ATM: variants seen among roughly 807,000 people sequenced by gnomAD.
ATM encodes ATM serine/threonine kinase.
A neutral mutation model predicts 387.0 loss-of-function variants in ATM; 308 were observed. That is an observed-to-expected ratio of 0.80 (90% CI 0.73 to 0.87). The LOEUF is 0.87. Among genes scored for constraint, ATM ranks in the 40% least tolerant of loss-of-function variants. The pLI is 0.00. For synonymous variants in ATM, 1,156 were observed against 1,187.3 expected (o/e 0.97, Z 0.54); for missense variants, 3,312 against 3,560.9 (o/e 0.93, Z 1.78).
intron 57 of ATM, among the ~76,000 whole-genome samples, chr11:108,345,001 T>C (rs2088129526): frequency 6.6e-6 from 1 of 151,808 alleles, no homozygotes; most frequent in Non-Finnish European, 1.5e-5. Context: ...CCTGTCACCC[T>C]GTCTCCAAAA....
At chr11:108,232,551 TTTTTTTG>T in intron 4 of ATM, among the ~76,000 whole-genome samples, 1 of 142,056 alleles carries the variant, frequency 7.0e-6, no homozygotes, top group African/African-American at 2.6e-5. Context: ...TTTTTTTTTT[TTTTTTTG>T]AGACAGAGTC....
At chr11:108,308,719 A>C (rs1159229763) in intron 38 of ATM, 4 of 330,918 alleles carry the variant, frequency 1.2e-5, no homozygotes, top group African/African-American at 8.3e-5. Context: ...TGAGTGAAAA[A>C]TGAAATGTTT....
chr11:108,270,757 G>A (rs1353929975), intron 18 of ATM, among the ~76,000 whole-genome samples: 5 of 151,984 alleles, frequency 3.3e-5, no homozygotes, highest in African/African-American at 4.8e-5. Flanking sequence ...GTGCAGTGGC[G>A]CGATCTCGGC....
At chr11:108,249,931 G>A (rs1384561555) in intron 9 of ATM, among the ~76,000 whole-genome samples, 1 of 152,028 alleles carries the variant, frequency 6.6e-6, no homozygotes, top group Non-Finnish European at 1.5e-5. Flanking sequence ...TATGGGCTAA[G>A]CGTTAGATAT....
chr11:108,300,878 C>CTTT (rs11305754), intron 34 of ATM, among the ~76,000 whole-genome samples: 42 of 102,642 alleles, frequency 4.1e-4, no homozygotes, highest in African/African-American at 6.4e-4. Flanking sequence ...TCATCTCTCT[C>CTTT]TTTTTTTTTT....
rs534431477 is a variant in ATM at position 108,331,657 on chromosome 11, T to TA, written c.7629+101dup. Reference sequence around the variant, plus strand: ...TACCATTCCCTCTAAGAAATGGAAATACAAAATTTTGTATTTTTTGTCTTC... The same window carrying TA: ...TACCATTCCCTCTAAGAAATGGAAATAACAAAATTTTGTATTTTTTGTCTTC... On this transcript the variant is annotated intron_variant, in intron 51 of 62. Transcript: ENST00000675843. 193 of 1,413,960 alleles carry TA rather than the reference T, an allele frequency of 1.4e-4. No homozygotes were observed. In the African/African-American group the frequency reaches 2.6e-3, roughly 19 times the overall value. The allele number at this position is 1,413,960 out of a possible 1,614,324, so 87.6% of individuals were successfully genotyped here.
chr11:108,293,318 G>A lies in ATM; in HGVS notation c.4617G>A (p.Leu1539=), dbSNP rs1179885415. ...YEQVEVQKQV[L]DLLKYLVIDN... is the part of the protein sequence containing the mutation. The stretch of plus-strand genomic sequence containing the variant: ...TCTTTTTAAATTATATTTAGGTATT[G>A]GACTTGTTGAAATACTTAGTGATAG... Residue 1539 remains leucine (L), a synonymous_variant, in exon 31 of 63, where the codon TTG becomes TTA. Coordinates refer to ENST00000675843, the MANE Select transcript of ATM (RefSeq NM_000051.4). 6.5e-7 allele frequency: 1 copy of A among 1,533,212 alleles called. No individual in the cohort carries two copies. The highest frequency in any genetic ancestry group is 1.2e-5 in the South Asian group (1 of 84,612). The allele number at this position is 1,533,212 out of a possible 1,614,324, so 95.0% of individuals were successfully genotyped here. A position where few individuals can be genotyped will look rare whatever the true frequency, so the allele number is the denominator to read the frequency against.
chr11:108,335,193 G>T (rs1356069179), intron 55 of ATM, 84 bp downstream of exon 55: 2 of 1,600,492 alleles, frequency 1.2e-6, no homozygotes, highest in Non-Finnish European at 1.7e-6. Flanking sequence ...CTTTATTTGG[G>T]ATTTTGTCTT....
At chr11:108,269,882 C>T (rs4987975) in intron 18 of ATM, among the ~76,000 whole-genome samples, 2,990 of 152,246 alleles carry the variant, frequency 0.02, 96 homozygotes, top group African/African-American at 0.067. Flanking sequence ...TTTAGGTCCT[C>T]GCAGATACTC....
chr11:108,332,055 AC>A lies in ATM; in HGVS notation c.7788+19del. On this transcript the variant is annotated intron_variant, in intron 52 of 62. Transcript: ENST00000675843. ...TTGATGAGGTATTTGGATTAAACAT[AC>A]GTACCTTTTAGAAGTGTGATATTCA... 1 of 1,612,796 alleles carries A rather than the reference AC, an allele frequency of 6.2e-7. No homozygotes were observed.
intron 61 of ATM, among the ~76,000 whole-genome samples, chr11:108,364,552 C>A (rs1237157127): frequency 6.6e-6 from 1 of 152,140 alleles, no homozygotes; most frequent in African/African-American, 2.4e-5. Context: ...CTTTCTGGAT[C>A]CACCCAGATT....
chr11:108,254,115 G>T lies in ATM; in HGVS notation c.2124+76G>T. On this transcript the variant is annotated intron_variant, in intron 13 of 62. Coordinates refer to ENST00000675843, the MANE Select transcript of ATM (RefSeq NM_000051.4). ...AAACTGTTAGGAAGGAGAAATAGGG[G>T]CAGGAAAAACAGCAAGGATGGTGGG... 2.1e-6 allele frequency: 3 copies of T among 1,440,524 alleles called. 1 individual carries two copies. Among genetic ancestry groups the T allele is most frequent in the Non-Finnish European group, 2.9e-6 (3 of 1,045,632 alleles). The allele number at this position is 1,440,524 out of a possible 1,614,324, so 89.2% of individuals were successfully genotyped here.
rs2086449006 is a variant in ATM, at chr11:108,333,008, A to G, written c.7927+108A>G. The G allele has an allele frequency of 2.9e-6, 4 of 1,366,844 alleles. No individual in the cohort carries two copies. In the East Asian group the frequency reaches 9.7e-5, roughly 33 times the overall value. 84.7% of individuals were successfully genotyped at this position (1,366,844 alleles called of 1,614,324 possible). ...TAAATCTGCTTAAAATCACAAACGT[A>G]ATCCAAAAGCTTAATTTATATCTGA... is the stretch of plus-strand genomic sequence containing the variant. On this transcript the variant is annotated intron_variant, in intron 53 of 62. Coordinates refer to ENST00000675843, the MANE Select transcript of ATM (RefSeq NM_000051.4).
chr11:108,325,384 ATTTTAGTT>A lies in ATM; in HGVS notation c.6650_6657del (p.Phe2217SerfsTer29), dbSNP rs864622326. 1.2e-6 allele frequency: 2 copies of A among 1,613,316 alleles called. No individual in the cohort carries two copies. The highest frequency in any genetic ancestry group is 1.7e-6 in the Non-Finnish European group (2 of 1,179,866). On this transcript the variant is annotated frameshift_variant, in exon 46 of 63. Transcript: ENST00000675843. LOFTEE classifies it high-confidence loss of function. Reference sequence around the variant, plus strand: ...CACTCCCAGCTTCTCAAGGACAGTGATTTTAGTTTTCAGGAGCCTATCATGGCTCTACG... The same window carrying A: ...CACTCCCAGCTTCTCAAGGACAGTGATTCAGGAGCCTATCATGGCTCTACG...
chr11:108,259,639 C>G (rs894317905), intron 16 of ATM, among the ~76,000 whole-genome samples: 1 of 152,096 alleles, frequency 6.6e-6, no homozygotes, highest in Admixed American at 6.5e-5. Flanking sequence ...AAATTGGGAA[C>G]GAATCATCCA....
intron 5 of ATM, among the ~76,000 whole-genome samples, chr11:108,239,003 C>A (rs963385037): frequency 6.6e-6 from 1 of 152,192 alleles, no homozygotes; most frequent in South Asian, 2.1e-4. Flanking sequence ...TACTTTCTCT[C>A]TCTATGAATT....
intron 5 of ATM, among the ~76,000 whole-genome samples, chr11:108,241,737 TCTTTC>T (rs2079567634): frequency 3.0e-5 from 3 of 101,360 alleles, no homozygotes; most frequent in South Asian, 3.9e-4. Flanking sequence ...TGTCTTTCTT[TCTTTC>T]TTTTTTTTTT....
At chr11:108,258,237 T>G (rs187466210) in intron 15 of ATM, among the ~76,000 whole-genome samples, 61 of 152,368 alleles carry the variant, frequency 4.0e-4, no homozygotes, top group Admixed American at 9.1e-4. Flanking sequence ...TTCAGTTGAA[T>G]GGTACATAAA....
At chr11:108,254,527 A>G (rs544108578) in intron 13 of ATM, among the ~76,000 whole-genome samples, 1 of 152,320 alleles carries the variant, frequency 6.6e-6, no homozygotes, top group African/African-American at 2.4e-5. Context: ...CATGTATACT[A>G]TTCTCTTGCC....
Sources: gnomAD v4.1 joint callset for allele counts (sites outside exome capture counted in the v4.1 genomes callset) on GRCh38, gnomAD v4.1.1 for gene constraint, MANE v1.5 for transcripts, NCBI Gene and HGNC (gene_info 2026-07-23, HGNC 2026-07-21) for gene names.